Variants in NMU observed in about 807,000 individuals in gnomAD.
NMU encodes the protein neuromedin-U.
A neutral mutation model predicts 35.4 loss-of-function variants in NMU; 29 were observed. The ratio of observed to expected loss-of-function variants is 0.82; its 90% CI spans 0.61 to 1.12. The LOEUF (loss-of-function observed/expected upper bound fraction) is 1.12. NMU is among the 50% of genes most tolerant of loss of function. The pLI is 0.00. For missense variants in NMU, 199 were observed against 206.2 expected (o/e 0.97, Z 0.21); for synonymous variants, 78 against 81.3 (o/e 0.96, Z 0.22).
chr4:55,597,102 G>T (rs1733214370), intron 9 of NMU, among the ~76,000 whole-genome samples: 1 of 151,964 alleles, frequency 6.6e-6, no homozygotes, highest in East Asian at 1.9e-4. Context: ...AATTATTTAA[G>T]TATACTGATG....
intron 1 of NMU, among the ~76,000 whole-genome samples, chr4:55,630,957 G>C (rs1182500949): frequency 6.6e-6 from 1 of 152,152 alleles, no homozygotes; most frequent in Non-Finnish European, 1.5e-5. Context: ...TACCAAAACA[G>C]TATGGTACTG....
At chr4:55,595,478 A>G (rs1164706774) in intron 9 of NMU, 67 bp from the exon 10 acceptor site, 2 of 150,658 alleles carry the variant, frequency 1.3e-5, no homozygotes, top group Non-Finnish European at 3.0e-5. Flanking sequence ...TAATGTTTGT[A>G]TATAGACATT....
chr4:55,607,906 T>TGTG (rs1332049231), intron 4 of NMU, among the ~76,000 whole-genome samples: 1 of 152,164 alleles, frequency 6.6e-6, no homozygotes, highest in African/African-American at 2.4e-5. Flanking sequence ...CGCGGTGGCT[T>TGTG]GCGCCTGTAA....
chr4:55,597,389 CT>C (rs531123697), intron 9 of NMU, among the ~76,000 whole-genome samples: 7 of 148,552 alleles, frequency 4.7e-5, no homozygotes, highest in Admixed American at 2.0e-4. Context: ...GCATAGTTTC[CT>C]TTTTTTTTGC....
intron 3 of NMU, among the ~76,000 whole-genome samples, chr4:55,615,733 AC>A (rs2110199780): frequency 6.6e-6 from 1 of 152,206 alleles, no homozygotes; most frequent in East Asian, 1.9e-4. Flanking sequence ...TTATTTCATC[AC>A]CCAGGTACTA....
At chr4:55,596,723 C>G (rs965073602) in intron 9 of NMU, among the ~76,000 whole-genome samples, 8 of 152,206 alleles carry the variant, frequency 5.3e-5, no homozygotes, top group Middle Eastern at 3.4e-3. Flanking sequence ...TTAAATTTTT[C>G]CTTCGCTTTT....
intron 1 of NMU, among the ~76,000 whole-genome samples, chr4:55,635,557 G>A (rs985955134): frequency 6.6e-6 from 1 of 152,162 alleles, no homozygotes. Flanking sequence ...TTAGCGTGGG[G>A]CCCGTTGTAC....
chr4:55,612,780 C>A (rs1409434594), intron 3 of NMU, among the ~76,000 whole-genome samples: 2 of 152,122 alleles, frequency 1.3e-5, no homozygotes, highest in South Asian at 2.1e-4. Flanking sequence ...GATTTAAATA[C>A]ATGAAAGTTT....
chr4:55,636,280 G>A lies in NMU; in HGVS notation c.-88C>T. 7.2e-7 allele frequency: 1 copy of A among 1,398,572 alleles called. No individual in the cohort carries two copies. Among genetic ancestry groups the A allele is most frequent in the South Asian group, 1.6e-5 (1 of 63,688 alleles). 86.6% of individuals were successfully genotyped at this position (1,398,572 alleles called of 1,614,324 possible). A position where few individuals can be genotyped will look rare whatever the true frequency, so the allele number is the denominator to read the frequency against. Reference sequence around the variant, plus strand: ...CCACCTGGTGCCCTGGCTGTGCCTCGGGGCCCGGACACAGGACTGAGCGCC... The same window carrying A: ...CCACCTGGTGCCCTGGCTGTGCCTCAGGGCCCGGACACAGGACTGAGCGCC... On this transcript the variant is annotated 5_prime_UTR_variant, in exon 1 of 10. Transcript: ENST00000264218. This position sits in a 1 kb window ranked among gnomAD's most constrained non-coding sequence, Gnocchi z 4.0.
intron 3 of NMU, 102 bp from the exon 4 acceptor site, chr4:55,609,281 A>G (rs764622626): frequency 1.2e-5 from 10 of 844,132 alleles, no homozygotes; most frequent in African/African-American, 1.7e-5. Context: ...AATGCTAACT[A>G]CCTGGAAAAG....
Position 55,604,017 on chromosome 4 carries a change from G to GTATATATACACACGTA in NMU, c.435+1257_435+1258insTACGTGTGTATATATA, listed in dbSNP as rs373848935. On this transcript the variant is annotated intron_variant, in intron 7 of 9. Coordinates refer to ENST00000264218, the MANE Select transcript of NMU (RefSeq NM_006681.4). ...TATATACGTATATATGTATATATGT[G>GTATATATACACACGTA]TATATATATAATCCTAGAAATTATC... Among the ~76,000 whole-genome samples the GTATATATACACACGTA allele has an allele frequency of 6.2e-4, 16 of 25,764 alleles. 1 individual carries two copies. Among genetic ancestry groups the GTATATATACACACGTA allele is most frequent in the Non-Finnish European group, 7.9e-4 (11 of 13,858 alleles). 16.9% of individuals were successfully genotyped at this position (25,764 alleles called of 152,430 possible).
Position 55,603,911 on chromosome 4 carries a change from C to CAA in NMU, c.435+1362_435+1363dup, listed in dbSNP as rs746222578. On this transcript the variant is annotated intron_variant, in intron 7 of 9. Coordinates refer to ENST00000264218, the MANE Select transcript of NMU (RefSeq NM_006681.4). ...TGGGCGACAGAGCAAGAGTCCGTCT[C>CAA]AAAAAAAAAAAAAAAATATATATAT... Among the ~76,000 whole-genome samples the CAA allele has an allele frequency of 2.2e-4, 11 of 50,378 alleles. 1 individual carries two copies. The highest frequency in any genetic ancestry group is 1.2e-3 in the African/African-American group (10 of 8,402). 33.0% of individuals were successfully genotyped at this position (50,378 alleles called of 152,430 possible).
rs932624948 is a variant in NMU, at chr4:55,603,549, A to G, written c.435+1726T>C. Among the ~76,000 whole-genome samples, 11 of 152,108 alleles carry G rather than the reference A, an allele frequency of 7.2e-5. 1 individual carries two copies. The East Asian group carries it at 2.1e-3, about 29-fold the overall frequency. ...TGTATAAGTACTAACGGAGTTCCTC[A>G]AAGGATAAAATGAGATAATATAAGA... On this transcript the variant is annotated intron_variant, in intron 7 of 9. Coordinates refer to ENST00000264218, the MANE Select transcript of NMU (RefSeq NM_006681.4).
chr4:55,635,704 C>T (rs1715874686), intron 1 of NMU, among the ~76,000 whole-genome samples: 1 of 152,358 alleles, frequency 6.6e-6, no homozygotes, highest in African/African-American at 2.4e-5. Context: ...CCAATAATTG[C>T]AATCAAAGGG....
At chr4:55,631,206 T>C (rs1012148984) in intron 1 of NMU, among the ~76,000 whole-genome samples, 2 of 152,152 alleles carry the variant, frequency 1.3e-5, no homozygotes, top group African/African-American at 4.8e-5. Flanking sequence ...ATATAAGACT[T>C]GAGACCATAA....
chr4:55,613,126 G>A (rs1734000330), intron 3 of NMU, among the ~76,000 whole-genome samples: 1 of 152,100 alleles, frequency 6.6e-6, no homozygotes, highest in Non-Finnish European at 1.5e-5. Flanking sequence ...CAAAGAGAAG[G>A]AAACAGTAGA....
Position 55,605,352 on chromosome 4 carries a change from G to A in NMU, c.361-3C>T, listed in dbSNP as rs1471930971. The stretch of plus-strand genomic sequence containing the variant: ...AGCAACGGATGCACAACTGACGACT[G>A]AGAGGACATGAACACACACGTGAAT... On this transcript the variant is annotated splice_polypyrimidine_tract_variant and splice_region_variant and intron_variant, in intron 6 of 9. Coordinates refer to ENST00000264218, the MANE Select transcript of NMU (RefSeq NM_006681.4). 1.2e-6 allele frequency: 2 copies of A among 1,608,592 alleles called. No individual in the cohort carries two copies. The highest frequency in any genetic ancestry group is 1.1e-5 in the South Asian group (1 of 90,966).
chr4:55,604,022 T>TATACAC (rs1733565406), intron 7 of NMU, among the ~76,000 whole-genome samples: 1 of 139,588 alleles, frequency 7.2e-6, no homozygotes, highest in Non-Finnish European at 1.5e-5. Flanking sequence ...TATGTGTATA[T>TATACAC]ATATAATCCT....
intron 1 of NMU, among the ~76,000 whole-genome samples, chr4:55,633,114 G>A (rs1428457556): frequency 6.6e-6 from 1 of 152,000 alleles, no homozygotes; most frequent in Admixed American, 6.5e-5. Context: ...CACCAGGTCA[G>A]GAGATTGAGA....
Sources: allele counts gnomAD v4.1 joint callset (sites outside exome capture counted in the v4.1 genomes callset), GRCh38; gene constraint gnomAD v4.1.1; non-coding constraint Gnocchi (gnomAD v3.1); transcripts MANE v1.5; gene names NCBI Gene and HGNC (gene_info 2026-07-23, HGNC 2026-07-21).